The following SMARCAL1 variants were observed in gnomAD, a reference collection of about 807,000 sequenced individuals.
SMARCAL1 encodes SNF2 related chromatin remodeling annealing helicase 1.
Under a neutral mutation model 94.5 loss-of-function variants are expected in SMARCAL1, and 58 were observed. That is an observed-to-expected ratio of 0.61 (90% CI 0.50 to 0.76). The LOEUF (loss-of-function observed/expected upper bound fraction) is 0.76. SMARCAL1 is among the 30% of genes least tolerant of loss of function. SMARCAL1 has a pLI of 0.00. For missense variants in SMARCAL1, 1,051 were observed against 1,177.9 expected (o/e 0.89, Z 1.58); for synonymous variants, 422 against 455.1 (o/e 0.93, Z 0.93).
At chr2:216,472,145 A>G (rs1212946899) in intron 14 of SMARCAL1, among the ~76,000 whole-genome samples, 1 of 152,212 alleles carries the variant, frequency 6.6e-6, no homozygotes, top group East Asian at 1.9e-4. Flanking sequence ...ACCCGAGGTT[A>G]GGAATTCTAG....
chr2:216,469,506 G>C (rs1276056712), intron 14 of SMARCAL1, among the ~76,000 whole-genome samples: 6 of 151,716 alleles, frequency 4.0e-5, no homozygotes, highest in African/African-American at 4.8e-5. Context: ...GGATGGTCTC[G>C]ATCTCCTGAC....
intron 13 of SMARCAL1, among the ~76,000 whole-genome samples, chr2:216,467,556 A>G (rs1694855858): frequency 6.6e-6 from 1 of 152,134 alleles, no homozygotes; most frequent in African/African-American, 2.4e-5. Flanking sequence ...GAGGCCAAAC[A>G]AATGAGAACC....
chr2:216,457,917 A>G (rs1694608048), intron 12 of SMARCAL1, among the ~76,000 whole-genome samples: 1 of 152,190 alleles, frequency 6.6e-6, no homozygotes, highest in Non-Finnish European at 1.5e-5. Flanking sequence ...TGAAAAGATC[A>G]ACAAAATTGA....
At chr2:216,420,256 T>G in intron 4 of SMARCAL1, 43 bp from the exon 5 acceptor site, 1 of 1,504,512 alleles carries the variant, frequency 6.6e-7, no homozygotes, top group Non-Finnish European at 9.2e-7. Context: ...CACATCATAG[T>G]CCCCTGCTTT....
intron 10 of SMARCAL1, among the ~76,000 whole-genome samples, chr2:216,439,324 TG>T (rs3836031): frequency 0.21 from 31,060 of 150,414 alleles, 3,383 homozygotes; most frequent in East Asian, 0.31. Flanking sequence ...CCTTCCATTA[TG>T]GGGGGGGGGG....
Position 216,415,266 on chromosome 2 carries a change from G to A in SMARCAL1, c.562G>A (p.Ala188Thr), listed in dbSNP as rs1422223839. Reference protein sequence around the residue: ...AHSSGQPPRDAKLEAKTAKAS... With the variant: ...AHSSGQPPRDTKLEAKTAKAS... The stretch of plus-strand genomic sequence containing the variant: ...TTCCTCTGGACAGCCTCCCAGGGAT[G>A]CTAAGTTAGAGGCCAAGACAGCAAA... The change falls in exon 3 of 18, where the codon GCT (alanine) becomes ACT (threonine). Residue 188 changes from alanine to threonine, a missense_variant. Ala to Thr is a moderately conservative substitution (Grantham distance 58). Coordinates refer to ENST00000357276, the MANE Select transcript of SMARCAL1 (RefSeq NM_014140.4). 1 of 1,614,142 alleles carries A rather than the reference G, an allele frequency of 6.2e-7. No individual in the cohort carries two copies. The highest frequency in any genetic ancestry group is 8.5e-7 in the Non-Finnish European group (1 of 1,180,054).
At chr2:216,459,206 C>G (rs1346846196) in intron 12 of SMARCAL1, among the ~76,000 whole-genome samples, 1 of 152,156 alleles carries the variant, frequency 6.6e-6, no homozygotes, top group African/African-American at 2.4e-5. Flanking sequence ...AATGGAAGAA[C>G]ATTCCATACT....
chr2:216,431,677 G>A (rs1693966110), intron 7 of SMARCAL1, among the ~76,000 whole-genome samples: 1 of 152,182 alleles, frequency 6.6e-6, no homozygotes, highest in East Asian at 1.9e-4. Context: ...TAAATCATGT[G>A]CATGAAGGTG....
Position 216,415,421 on chromosome 2 carries a change from A to C in SMARCAL1, c.717A>C (p.Gly239=). ...SVQKGVNSQK[G]KCVRNGDRFQ... ...AAAAAGGAGTGAACTCTCAGAAGGG[A>C]AAGTGCGTAAGGAACGGCGATCGTT... The change falls in exon 3 of 18, where the codon GGA becomes GGC. Residue 239 remains glycine, a synonymous_variant. Transcript: ENST00000357276. 1 of 1,614,246 alleles carries C rather than the reference A, an allele frequency of 6.2e-7. No homozygotes were observed. Among genetic ancestry groups the C allele is most frequent in the Non-Finnish European group, 8.5e-7 (1 of 1,180,044 alleles).
chr2:216,457,845 C>T (rs1336139828), intron 12 of SMARCAL1, among the ~76,000 whole-genome samples: 1 of 152,076 alleles, frequency 6.6e-6, no homozygotes, highest in Non-Finnish European at 1.5e-5. Flanking sequence ...CAAAGAAGAA[C>T]TGAAGGAGAT....
chr2:216,435,342 T>C lies in SMARCAL1; in HGVS notation c.1490T>C (p.Phe497Ser). ...SSVRFTWEQA[F>S]LRWLPSLSPD... ...GTTCCCTCCTGTCATCCACAGGCCT[T>C]CCTTCGGTGGCTGCCATCTCTGAGC... The change falls in exon 9 of 18, where the codon TTC (phenylalanine) becomes TCC (serine). Residue 497 changes from phenylalanine (F) to serine (S), a missense_variant. Physicochemically the swap from Phe to Ser is radical, Grantham distance 155. Around this residue, in one of 3 missense-constraint regions of SMARCAL1, gnomAD observed 642 missense variants for 754.7 expected, o/e 0.85. Coordinates refer to ENST00000357276, the MANE Select transcript of SMARCAL1 (RefSeq NM_014140.4). The C allele has an allele frequency of 2.5e-6, 4 of 1,614,108 alleles. No individual in the cohort carries two copies. The highest frequency in any genetic ancestry group is 3.4e-6 in the Non-Finnish European group (4 of 1,180,000).
Position 216,482,598 on chromosome 2 carries a change from A to G in SMARCAL1, c.2626-140A>G, listed in dbSNP as rs1695225083. ...GTGATGGTTTGCTGAGATGATGCAC[A>G]CTTGCCATCGTGTAGCTCCCTGACA... On this transcript the variant is annotated intron_variant, in intron 17 of 17. Transcript: ENST00000357276. The surrounding 1 kb of genome is among the most constrained non-coding windows in gnomAD (Gnocchi z 4.3). 1.7e-6 allele frequency: 2 copies of G among 1,184,978 alleles called. No individual in the cohort carries two copies. The highest frequency in any genetic ancestry group is 3.0e-5 in the African/African-American group (2 of 66,116). 73.4% of individuals were successfully genotyped at this position (1,184,978 alleles called of 1,614,324 possible). A position where few individuals can be genotyped will look rare whatever the true frequency, so the allele number is the denominator to read the frequency against.
chr2:216,414,966 G>A lies in SMARCAL1; in HGVS notation c.262G>A (p.Asp88Asn). The A allele has an allele frequency of 6.2e-7, 1 of 1,614,224 alleles. No individual in the cohort carries two copies. The change falls in exon 3 of 18, where the codon GAT (aspartate) becomes AAT (asparagine). Residue 88 changes from aspartate (D) to asparagine (N), a missense_variant. Physicochemically the swap from Asp to Asn is conservative, Grantham distance 23 (BLOSUM62 1). This residue lies in a region of SMARCAL1 where 398 missense variants were observed against 395.2 expected (regional missense o/e 1.01). Coordinates refer to ENST00000357276, the MANE Select transcript of SMARCAL1 (RefSeq NM_014140.4). ...ATCTAATGCTGACCAAAGACCTCAT[G>A]ATTCCCACAGTTTTCAGGCAAAGGG... ...SSSNADQRPH[D>N]SHSFQAKGIW...
At chr2:216,464,756 T>C (rs528456050) in intron 13 of SMARCAL1, 89 bp downstream of exon 13, 1 of 930,126 alleles carries the variant, frequency 1.1e-6, no homozygotes, top group East Asian at 2.4e-5. Context: ...TGAATGATTT[T>C]ACTGCGTCTA....
At chr2:216,464,143 T>C (rs1694776436) in intron 12 of SMARCAL1, among the ~76,000 whole-genome samples, 1 of 152,240 alleles carries the variant, frequency 6.6e-6, no homozygotes, top group Non-Finnish European at 1.5e-5. Context: ...GTAAGCTCTG[T>C]AAGTCAGGTA....
intron 8 of SMARCAL1, among the ~76,000 whole-genome samples, chr2:216,433,717 G>C (rs1435824336): frequency 2.0e-5 from 3 of 152,084 alleles, no homozygotes; most frequent in Non-Finnish European, 2.9e-5. Context: ...GAGTGCTTTT[G>C]TGAAATGAAT....
At chr2:216,464,762 G>T in intron 13 of SMARCAL1, 95 bp downstream of exon 13, 2 of 897,320 alleles carry the variant, frequency 2.2e-6, no homozygotes, top group Non-Finnish European at 3.7e-6. Context: ...ATTTTACTGC[G>T]TCTAAGAAAT....
chr2:216,465,585 A>G (rs762781402), intron 13 of SMARCAL1, among the ~76,000 whole-genome samples: 12 of 152,256 alleles, frequency 7.9e-5, no homozygotes, highest in Non-Finnish European at 1.6e-4. Flanking sequence ...ACAATTATTC[A>G]TGACAAAATC....
intron 12 of SMARCAL1, among the ~76,000 whole-genome samples, chr2:216,454,029 G>A (rs79405788): frequency 0.026 from 3,991 of 152,268 alleles, 74 homozygotes; most frequent in Admixed American, 0.043. Flanking sequence ...TCATCCTCAA[G>A]ACCAGTAACA....
Sources: allele counts gnomAD v4.1 joint callset (sites outside exome capture counted in the v4.1 genomes callset), GRCh38; gene constraint gnomAD v4.1.1; regional missense constraint gnomAD v4.1.1; non-coding constraint Gnocchi (gnomAD v3.1); transcripts MANE v1.5; gene names NCBI Gene and HGNC (gene_info 2026-07-23, HGNC 2026-07-21).